Variants in GUCA1C observed in about 807,000 individuals in gnomAD.
GUCA1C encodes guanylyl cyclase-activating protein 3.
In GUCA1C, 15 loss-of-function variants were observed where a neutral mutation model predicts 16.2. The observed-to-expected ratio is 0.93, with a 90% CI of 0.62 to 1.43. The LOEUF (loss-of-function observed/expected upper bound fraction) is 1.43. Among genes scored for constraint, GUCA1C ranks in the 40% most tolerant of loss-of-function variants. GUCA1C has a pLI of 0.00. For synonymous variants in GUCA1C, 78 were observed against 85.4 expected (o/e 0.91, Z 0.48); for missense variants, 275 against 244.8 (o/e 1.12, Z -0.82).
intron 1 of GUCA1C, among the ~76,000 whole-genome samples, chr3:108,932,981 T>C (rs1323521763): frequency 1.4e-5 from 2 of 145,564 alleles, no homozygotes. Context: ...TTCAAAATAA[T>C]GGAAGGCATT....
intron 2 of GUCA1C, among the ~76,000 whole-genome samples, chr3:108,917,470 A>G (rs745717785): frequency 1.3e-5 from 2 of 152,166 alleles, no homozygotes; most frequent in Non-Finnish European, 2.9e-5. Context: ...ATCAGGGGAT[A>G]GGCAAGAAGC....
chr3:108,947,501 TTATTTAAAGTTTGTC>T (rs574577801), intron 1 of GUCA1C, among the ~76,000 whole-genome samples: 184 of 152,320 alleles, frequency 1.2e-3, no homozygotes, highest in African/African-American at 2.9e-3. Context: ...ATATATACCA[TTATTTAAAGTTTGTC>T]TATTTAAAGT....
intron 3 of GUCA1C, among the ~76,000 whole-genome samples, chr3:108,914,378 T>G (rs1227251117): frequency 6.6e-6 from 1 of 152,190 alleles, no homozygotes; most frequent in Non-Finnish European, 1.5e-5. Flanking sequence ...AAACAAAAAG[T>G]CCTGAATCAT....
chr3:108,941,845 G>A (rs762537730), intron 1 of GUCA1C, among the ~76,000 whole-genome samples: 2 of 152,156 alleles, frequency 1.3e-5, no homozygotes, highest in Non-Finnish European at 2.9e-5. Context: ...TCTCAGCTAG[G>A]ATGTAAGTGT....
chr3:108,951,284 G>A (rs1946893568), intron 1 of GUCA1C, among the ~76,000 whole-genome samples: 2 of 152,108 alleles, frequency 1.3e-5, no homozygotes, highest in Non-Finnish European at 2.9e-5. Context: ...AGATTTTACT[G>A]CTCTTGCCAC....
At chr3:108,921,595 C>T (rs566915681) in intron 1 of GUCA1C, among the ~76,000 whole-genome samples, 9 of 152,154 alleles carry the variant, frequency 5.9e-5, no homozygotes, top group Non-Finnish European at 1.2e-4. Flanking sequence ...TCCTCACTGG[C>T]ATTTGGTGTT....
chr3:108,915,332 C>A (rs1946497302), intron 3 of GUCA1C, among the ~76,000 whole-genome samples: 1 of 152,188 alleles, frequency 6.6e-6, no homozygotes, highest in African/African-American at 2.4e-5. Flanking sequence ...TTTCTTAAAC[C>A]TTTTACTAAT....
At chr3:108,916,069 A>G (rs1465155738) in intron 3 of GUCA1C, 58 bp downstream of exon 3, 1 of 1,605,368 alleles carries the variant, frequency 6.2e-7, no homozygotes. Flanking sequence ...AACACTCCCC[A>G]CTACCACCAT....
chr3:108,909,099 A>G (rs1946422026), intron 3 of GUCA1C, among the ~76,000 whole-genome samples: 1 of 152,210 alleles, frequency 6.6e-6, no homozygotes. Flanking sequence ...CTGTACCTAT[A>G]CTTTTTAATG....
chr3:108,915,359 A>G (rs1216726696), intron 3 of GUCA1C, among the ~76,000 whole-genome samples: 1 of 152,172 alleles, frequency 6.6e-6, no homozygotes, highest in Non-Finnish European at 1.5e-5. Flanking sequence ...TATTTTTAAC[A>G]ATGTCAAATT....
rs1476665867 is a variant in GUCA1C, at chr3:108,908,106, G to C, written c.546C>G (p.Ile182Met). The C allele has an allele frequency of 3.7e-6, 6 of 1,613,476 alleles. No homozygotes were observed. Residue 182 changes from isoleucine (I) to methionine (M), a missense_variant, in exon 4 of 4, where the codon ATC (isoleucine) becomes ATG (methionine). Transcript: ENST00000261047. ...CCATGTCTGGCTGCTTCCCATTACA[G>C]ATTACTCTCAGCACATTGGAGAAGT... ...SFDFSNVLRV[I>M]CNGKQPDMET...
intron 1 of GUCA1C, among the ~76,000 whole-genome samples, chr3:108,924,779 A>G (rs939907254): frequency 6.6e-6 from 1 of 151,660 alleles, no homozygotes; most frequent in African/African-American, 2.4e-5. Context: ...TTTGTTGGCA[A>G]TTTTTTTGTT....
chr3:108,929,203 G>A (rs1482889992), intron 1 of GUCA1C, among the ~76,000 whole-genome samples: 1 of 152,082 alleles, frequency 6.6e-6, no homozygotes. Flanking sequence ...CAATGTAAAT[G>A]GTAATATGTT....
At chr3:108,908,888 T>A (rs555807596) in intron 3 of GUCA1C, among the ~76,000 whole-genome samples, 1 of 152,340 alleles carries the variant, frequency 6.6e-6, no homozygotes, top group Non-Finnish European at 1.5e-5. Flanking sequence ...GGGAATTCTC[T>A]GTTGATATAA....
In GUCA1C at chr3:108,916,216, T is replaced by G. The variant is rs2107278946; in HGVS notation, c.355-2A>C. 6.2e-7 allele frequency: 1 copy of G among 1,604,340 alleles called. No homozygotes were observed. The highest frequency in any genetic ancestry group is 2.2e-5 in the East Asian group (1 of 44,840). The stretch of plus-strand genomic sequence containing the variant: ...CTGGCCATTGAGGGCTTGTACCGCC[T>G]GCAAAAAGACATTAAATGAAAGAGG... On this transcript the variant is annotated splice_acceptor_variant, in intron 2 of 3. Coordinates refer to ENST00000261047, the MANE Select transcript of GUCA1C (RefSeq NM_005459.4). LOFTEE classifies it high-confidence loss of function.
chr3:108,948,274 C>T (rs1027069166), intron 1 of GUCA1C, among the ~76,000 whole-genome samples: 4 of 152,116 alleles, frequency 2.6e-5, no homozygotes, highest in African/African-American at 4.8e-5. Flanking sequence ...TGAGTTCTCA[C>T]GAGATCTGGT....
At chr3:108,925,549 T>C (rs1160939000) in intron 1 of GUCA1C, among the ~76,000 whole-genome samples, 5 of 152,194 alleles carry the variant, frequency 3.3e-5, no homozygotes, top group African/African-American at 1.2e-4. Flanking sequence ...TACCATATGG[T>C]CTATCTTGAG....
intron 3 of GUCA1C, among the ~76,000 whole-genome samples, chr3:108,911,242 T>C (rs1467166662): frequency 2.0e-5 from 3 of 152,132 alleles, no homozygotes; most frequent in East Asian, 3.9e-4. Flanking sequence ...TTTCTTCCCA[T>C]TTACATCTTA....
chr3:108,910,662 T>C (rs115944454), intron 3 of GUCA1C, among the ~76,000 whole-genome samples: 3,372 of 151,990 alleles, frequency 0.022, 136 homozygotes, highest in African/African-American at 0.076. Flanking sequence ...TCTTCTTCTT[T>C]TTTTTGAGAC....
Sources: gnomAD v4.1 joint callset for allele counts (sites outside exome capture counted in the v4.1 genomes callset) on GRCh38, gnomAD v4.1.1 for gene constraint, MANE v1.5 for transcripts, NCBI Gene and HGNC (gene_info 2026-07-23, HGNC 2026-07-21) for gene names.